Variants in SPECC1 observed in about 807,000 individuals in gnomAD.
The protein encoded by SPECC1 is cytospin-B.
Under a neutral mutation model 104.1 loss-of-function variants are expected in SPECC1, and 62 were observed. That is an observed-to-expected ratio of 0.60 (90% CI 0.49 to 0.74). The LOEUF is 0.74. Ranked by LOEUF, SPECC1 falls within the 30% of genes least tolerant of loss-of-function variation. The pLI, the probability that SPECC1 is intolerant of heterozygous loss-of-function variation, is 0.00. For synonymous variants in SPECC1, 513 were observed against 501.6 expected, an observed-to-expected ratio of 1.02 and a Z score of -0.30; for missense variants, 1,306 against 1,310.5, an observed-to-expected ratio of 1.00 and a Z score of 0.05.
In SPECC1 at chr17:20,314,935, C is replaced by T. The variant is rs1350184977; in HGVS notation, c.*870C>T. 8.6e-6 allele frequency: 2 copies of T among 232,476 alleles called. No individual in the cohort carries two copies. Among genetic ancestry groups the T allele is most frequent in the Admixed American group, 5.6e-5 (1 of 17,764 alleles). The allele number at this position is 232,476 out of a possible 1,614,324, so 14.4% of individuals were successfully genotyped here. On this transcript the variant is annotated 3_prime_UTR_variant, in exon 15 of 15. Transcript: ENST00000395527. The stretch of plus-strand genomic sequence containing the variant: ...CTTTGCTGGAGTCCCTGGGAGGTGC[C>T]CCACACCTCTGCCACCAAAGTCTGT...
At chr17:20,309,806 TCTC>T (rs1309009783) in intron 14 of SPECC1, among the ~76,000 whole-genome samples, 1 of 116,748 alleles carries the variant, frequency 8.6e-6, no homozygotes, top group Non-Finnish European at 1.6e-5. Context: ...TGGTTTTCTT[TCTC>T]CTTTTCTTTT....
At chr17:20,174,929 A>T (rs969502234) in intron 3 of SPECC1, among the ~76,000 whole-genome samples, 1 of 151,882 alleles carries the variant, frequency 6.6e-6, no homozygotes, top group African/African-American at 2.4e-5. Context: ...TTTGGTCAAA[A>T]TTTTTTGAAA....
At chr17:20,094,703 G>A (rs1007519457) in intron 1 of SPECC1, among the ~76,000 whole-genome samples, 6 of 151,450 alleles carry the variant, frequency 4.0e-5, no homozygotes, top group Non-Finnish European at 7.4e-5. Context: ...TTAGAGAGAG[G>A]TTTTCACTCT....
At chr17:20,086,415 C>T (rs2047178902) in intron 1 of SPECC1, among the ~76,000 whole-genome samples, 1 of 152,162 alleles carries the variant, frequency 6.6e-6, no homozygotes, top group African/African-American at 2.4e-5. Context: ...ATGCCGAGGC[C>T]ACAGCACTCA....
intron 10 of SPECC1, among the ~76,000 whole-genome samples, chr17:20,255,220 T>C (rs561424703): frequency 3.9e-4 from 59 of 152,206 alleles, no homozygotes; most frequent in African/African-American, 1.3e-3. Context: ...GTCAAGAGTG[T>C]AAGAACAAAC....
intron 1 of SPECC1, chr17:20,017,458 C>G (rs1165437652): frequency 6.5e-6 from 1 of 153,302 alleles, no homozygotes; most frequent in Non-Finnish European, 1.5e-5. Context: ...TCAGAAGGAA[C>G]AAACTCCAGA....
chr17:20,301,367 C>G (rs1183584673), intron 13 of SPECC1, among the ~76,000 whole-genome samples: 3 of 151,712 alleles, frequency 2.0e-5, no homozygotes, highest in African/African-American at 7.3e-5. Flanking sequence ...GTGTCCAGCC[C>G]CAGCCTGGAG....
At chr17:20,283,971 A>G (rs1442854758) in intron 12 of SPECC1, among the ~76,000 whole-genome samples, 1 of 152,008 alleles carries the variant, frequency 6.6e-6, no homozygotes, top group Non-Finnish European at 1.5e-5. Flanking sequence ...TCATATAGAA[A>G]CTTTCTTTAA....
chr17:20,176,166 A>AAT (rs1424773748), intron 3 of SPECC1, among the ~76,000 whole-genome samples: 2 of 152,176 alleles, frequency 1.3e-5, no homozygotes, highest in African/African-American at 4.8e-5. Flanking sequence ...TCCTGTGTAA[A>AAT]ATGGGGCTGT....
chr17:20,155,968 G>A, intron 3 of SPECC1: 1 of 1,262,412 alleles, frequency 7.9e-7, no homozygotes, highest in Non-Finnish European at 1.0e-6. Context: ...GATGAAGGGG[G>A]CGGGCCGCGA....
intron 13 of SPECC1, among the ~76,000 whole-genome samples, chr17:20,304,069 C>T (rs577756373): frequency 3.0e-5 from 4 of 133,536 alleles, no homozygotes; most frequent in African/African-American, 5.8e-5. Flanking sequence ...CCCAGGAGTT[C>T]GAAACTAGCC....
intron 3 of SPECC1, among the ~76,000 whole-genome samples, chr17:20,188,308 G>A (rs2035418977): frequency 6.6e-6 from 1 of 151,346 alleles, no homozygotes; most frequent in Admixed American, 6.6e-5. Context: ...ACCCAGGCTG[G>A]AGTGCAGTGG....
intron 9 of SPECC1, among the ~76,000 whole-genome samples, chr17:20,252,768 G>A (rs542794729): frequency 6.1e-4 from 93 of 152,162 alleles, no homozygotes; most frequent in African/African-American, 2.1e-3. Flanking sequence ...CATTCATCTG[G>A]TGGTGGACAC....
chr17:20,240,409 T>C (rs935417661), intron 7 of SPECC1, among the ~76,000 whole-genome samples: 1 of 152,180 alleles, frequency 6.6e-6, no homozygotes, highest in Non-Finnish European at 1.5e-5. Context: ...TCATGTGATA[T>C]GGCTTTATCT....
intron 1 of SPECC1, among the ~76,000 whole-genome samples, chr17:20,013,942 G>A (rs1483955622): frequency 6.6e-6 from 1 of 152,170 alleles, no homozygotes; most frequent in Non-Finnish European, 1.5e-5. Flanking sequence ...TCTAGTACAC[G>A]TCTTTTGTTG....
chr17:20,098,644 G>A (rs887724102), intron 2 of SPECC1, among the ~76,000 whole-genome samples: 3 of 152,184 alleles, frequency 2.0e-5, no homozygotes, highest in Non-Finnish European at 4.4e-5. Context: ...GCTGTCCTTC[G>A]GATTGCCAGG....
At chr17:20,088,084 T>C (rs553054893) in intron 1 of SPECC1, among the ~76,000 whole-genome samples, 11 of 152,038 alleles carry the variant, frequency 7.2e-5, no homozygotes, top group Admixed American at 6.5e-4. Context: ...GGGAGAGTGA[T>C]CAGAGCTAGG....
At chr17:20,123,578 A>G (rs921809282) in intron 3 of SPECC1, among the ~76,000 whole-genome samples, 1 of 152,202 alleles carries the variant, frequency 6.6e-6, no homozygotes, top group African/African-American at 2.4e-5. Flanking sequence ...CTCGTCTAAC[A>G]TGGAAGGTAA....
intron 1 of SPECC1, among the ~76,000 whole-genome samples, chr17:20,029,788 T>A (rs1387099087): frequency 5.9e-5 from 9 of 152,244 alleles, no homozygotes; most frequent in Non-Finnish European, 1.3e-4. Flanking sequence ...ATTTGAGTCT[T>A]ACCTCCTTTT....
Sources: gnomAD v4.1 joint callset for allele counts (sites outside exome capture counted in the v4.1 genomes callset) on GRCh38, gnomAD v4.1.1 for gene constraint, MANE v1.5 for transcripts, NCBI Gene and HGNC (gene_info 2026-07-23, HGNC 2026-07-21) for gene names.